The following HK1 variants were observed in gnomAD, a reference collection of about 807,000 sequenced individuals.
The protein encoded by HK1 is hexokinase 1.
Under a neutral mutation model 91.6 loss-of-function variants are expected in HK1, and 28 were observed. The ratio of observed to expected loss-of-function variants is 0.31; its 90% CI spans 0.23 to 0.42. HK1 has a LOEUF of 0.42. Ranked by LOEUF, HK1 falls within the 10% of genes least tolerant of loss-of-function variation. The pLI, the probability that HK1 is intolerant of heterozygous loss-of-function variation, is 1.00. For synonymous variants in HK1, 430 were observed against 468.1 expected, an observed-to-expected ratio of 0.92 and a Z score of 1.05; for missense variants, 770 against 1,219.8, an observed-to-expected ratio of 0.63 and a Z score of 5.49.
At chr10:69,393,949 A>G (rs376477704) in intron 15 of HK1, among the ~76,000 whole-genome samples, 3 of 152,244 alleles carry the variant, frequency 2.0e-5, no homozygotes, top group Non-Finnish European at 1.5e-5. Context: ...CGGGGGGATC[A>G]GCAAGTGTTG....
chr10:69,338,752 T>G, intron 1 of HK1: 2 of 1,219,004 alleles, frequency 1.6e-6, no homozygotes, highest in Non-Finnish European at 2.1e-6. Context: ...AGAGTGTGTG[T>G]GTGTGAGAGA....
At chr10:69,392,395 C>A in intron 15 of HK1, 87 bp downstream of exon 15, 1 of 1,412,226 alleles carries the variant, frequency 7.1e-7, no homozygotes, top group South Asian at 1.2e-5. Flanking sequence ...GAAGAAGTTT[C>A]TAGGAGGAGA....
intron 2 of HK1, 88 bp downstream of exon 2, chr10:69,344,077 A>C (rs557366274): frequency 8.4e-6 from 11 of 1,303,184 alleles, no homozygotes; most frequent in Non-Finnish European, 1.2e-5. Context: ...ACATTTGCTC[A>C]TTCATTCATT....
At chr10:69,376,464 A>C (rs1410040377) in intron 7 of HK1, among the ~76,000 whole-genome samples, 1 of 152,186 alleles carries the variant, frequency 6.6e-6, no homozygotes, top group Admixed American at 6.5e-5. Context: ...AGATTGTGTC[A>C]CTGCGCTCTA....
intron 12 of HK1, 22 bp from the exon 13 acceptor site, chr10:69,386,301 C>G: frequency 6.2e-7 from 1 of 1,601,402 alleles, no homozygotes; most frequent in East Asian, 2.2e-5. Flanking sequence ...ACAGGACTCT[C>G]CTGGTGCTTT....
intron 1 of HK1, among the ~76,000 whole-genome samples, chr10:69,335,592 C>T (rs551577395): frequency 6.1e-4 from 93 of 152,342 alleles, no homozygotes; most frequent in African/African-American, 2.2e-3. Flanking sequence ...GCAAGTATGT[C>T]GCCCTGGCCA....
At chr10:69,324,865 T>C (rs749067603) in intron 1 of HK1, among the ~76,000 whole-genome samples, 21 of 152,144 alleles carry the variant, frequency 1.4e-4, no homozygotes, top group Non-Finnish European at 2.9e-4. Flanking sequence ...AACCACTTAA[T>C]ATACACTGGG....
At chr10:69,395,428 A>G (rs1329715448) in intron 16 of HK1, among the ~76,000 whole-genome samples, 5 of 151,822 alleles carry the variant, frequency 3.3e-5, no homozygotes, top group Non-Finnish European at 7.4e-5. Flanking sequence ...AATACAAAAA[A>G]TTAGCTGGGT....
At position 69,364,887 on chromosome 10, in the gene HK1, A is replaced by G. The variant is rs2228284; in HGVS notation, c.480A>G (p.Gln160=). ...TCACGTTTTCTTTTCCTTGCCAACA[A>G]TCCAAAATAGATGAGGTAAGGATGT... ...VGFTFSFPCQ[Q]SKIDEAILIT... is the part of the protein sequence containing the mutation. Residue 160 remains glutamine, a synonymous_variant, in exon 4 of 18, where the codon CAA becomes CAG. Coordinates refer to ENST00000359426, the MANE Select transcript of HK1 (RefSeq NM_000188.3). The G allele has an allele frequency of 3.9e-3, 6,248 of 1,614,114 alleles. 208 individuals are homozygous for G. In the African/African-American group the frequency reaches 0.074, roughly 19 times the overall value.
chr10:69,334,038 G>A (rs1847859360), intron 1 of HK1, among the ~76,000 whole-genome samples: 2 of 152,154 alleles, frequency 1.3e-5, no homozygotes, highest in African/African-American at 2.4e-5. Flanking sequence ...TTGAACCCGG[G>A]AGGTGGAGTT....
rs572210232 is a variant in HK1 at position 69,304,099 on chromosome 10, C to T, written c.27+3238C>T. Among the ~76,000 whole-genome samples, 16 of 152,116 alleles carry T rather than the reference C, an allele frequency of 1.1e-4. No homozygotes were observed. In the South Asian group the frequency reaches 3.3e-3, roughly 32 times the overall value. ...TAGGCTTTACAATAGTGATGTAATC[C>T]CCAGGATCAATTTGGGAGGGTCAGA... On this transcript the variant is annotated intron_variant, in intron 5 of 21. Transcript: ENST00000360289.
chr10:69,328,982 G>T (rs948010542), intron 1 of HK1, among the ~76,000 whole-genome samples: 1 of 151,990 alleles, frequency 6.6e-6, no homozygotes, highest in Non-Finnish European at 1.5e-5. Context: ...GCATGTGTTA[G>T]CACTTCATTC....
At chr10:69,387,621 T>A (rs1382788604) in intron 13 of HK1, among the ~76,000 whole-genome samples, 1 of 152,072 alleles carries the variant, frequency 6.6e-6, no homozygotes, top group African/African-American at 2.4e-5. Flanking sequence ...TGGGCTCCAG[T>A]GATCCTCCTG....
chr10:69,295,528 T>G, intron 3 of HK1: 1 of 798,132 alleles, frequency 1.3e-6, no homozygotes, highest in Non-Finnish European at 2.2e-6. Context: ...TTGTAATTAC[T>G]TTTGTTTTCT....
At chr10:69,318,340 T>C (rs558034308), upstream of HK1, 33 of 533,056 alleles carry the variant, frequency 6.2e-5, no homozygotes, top group African/African-American at 6.4e-4. Flanking sequence ...CGCCCACTTC[T>C]GCAAGTCCCC....
At chr10:69,365,007 C>T in intron 4 of HK1, 105 bp downstream of exon 4, 1 of 1,262,692 alleles carries the variant, frequency 7.9e-7, no homozygotes, top group South Asian at 1.2e-5. Context: ...GAATGGTTTG[C>T]ATGTCTGGTA....
chr10:69,300,696 A>C, intron 4 of HK1: 1 of 896,642 alleles, frequency 1.1e-6, no homozygotes, highest in South Asian at 1.4e-5. Flanking sequence ...ACCATGCTTC[A>C]TCATCACAGT....
intron 7 of HK1, among the ~76,000 whole-genome samples, chr10:69,370,560 A>G (rs1479063107): frequency 6.6e-6 from 1 of 152,130 alleles, no homozygotes; most frequent in Non-Finnish European, 1.5e-5. Context: ...TTTATTGAGC[A>G]CTTACTATGT....
intron 1 of HK1, among the ~76,000 whole-genome samples, chr10:69,340,943 C>G (rs1160362808): frequency 6.6e-6 from 1 of 152,068 alleles, no homozygotes; most frequent in Admixed American, 6.6e-5. Context: ...CACACATGCC[C>G]TTGCTTGTGC....
Sources: gnomAD v4.1 joint callset for allele counts (sites outside exome capture counted in the v4.1 genomes callset) on GRCh38, gnomAD v4.1.1 for gene constraint, MANE v1.5 for transcripts, NCBI Gene and HGNC (gene_info 2026-07-23, HGNC 2026-07-21) for gene names.